PTPRD: variants seen among roughly 807,000 people sequenced by gnomAD.
PTPRD encodes protein tyrosine phosphatase receptor type D.
Under a neutral mutation model 214.5 loss-of-function variants are expected in PTPRD, and 34 were observed. That is an observed-to-expected ratio of 0.16 (90% CI 0.12 to 0.21). The LOEUF (loss-of-function observed/expected upper bound fraction) is 0.21, where lower values mean the gene tolerates loss of function less well. Among genes scored for constraint, PTPRD ranks in the 10% least tolerant of loss-of-function variants. The probability of loss-of-function intolerance (pLI) is 1.00; values close to 1 mark genes in which losing one functional copy is unlikely to be tolerated. For synonymous variants in PTPRD, 1,128 were observed against 845.7 expected (o/e 1.33, Z -5.79); for missense variants, 2,545 against 2,398.7 (o/e 1.06, Z -1.27).
At chr9:9,166,120 T>A (rs908929886) in intron 10 of PTPRD, among the ~76,000 whole-genome samples, 4 of 151,118 alleles carry the variant, frequency 2.6e-5, no homozygotes, top group Non-Finnish European at 5.9e-5. Flanking sequence ...CTCATGAATA[T>A]ATCAAGACTC....
chr9:9,424,164 C>A (rs1712647331), intron 8 of PTPRD, among the ~76,000 whole-genome samples: 1 of 152,196 alleles, frequency 6.6e-6, no homozygotes, highest in Admixed American at 6.5e-5. Flanking sequence ...AGCTCCAGAG[C>A]TGCCCGTGGA....
intron 4 of PTPRD, among the ~76,000 whole-genome samples, chr9:10,002,176 A>G (rs941893312): frequency 7.9e-5 from 12 of 151,174 alleles, no homozygotes; most frequent in African/African-American, 2.9e-4. Context: ...AAAAAATAGA[A>G]TAAATAACAT....
At chr9:9,351,094 G>A (rs570473374) in intron 9 of PTPRD, among the ~76,000 whole-genome samples, 33 of 152,092 alleles carry the variant, frequency 2.2e-4, no homozygotes, top group African/African-American at 7.5e-4. Context: ...ACTTGCTGGT[G>A]ATTTCCAGGC....
At chr9:9,018,215 T>A (rs958477993) in intron 11 of PTPRD, among the ~76,000 whole-genome samples, 1 of 152,134 alleles carries the variant, frequency 6.6e-6, no homozygotes, top group African/African-American at 2.4e-5. Context: ...GTTGTATTGT[T>A]CATACTCTCT....
rs578116157 is a variant in PTPRD at position 9,565,339 on chromosome 9, G to C, written c.-237+9393C>G. 3.4e-4 allele frequency among the ~76,000 whole-genome samples: 52 copies of C among 151,900 alleles called. No individual in the cohort carries two copies. The South Asian group carries it at 9.1e-3, about 27-fold the overall frequency. On this transcript the variant is annotated intron_variant, in intron 8 of 45. Transcript: ENST00000381196. ...AACATTTATAGACTATGTAGAAATGGAGATACACTTCTGATGAGTGAAATG... is the reference window on the plus strand; with the variant it reads ...AACATTTATAGACTATGTAGAAATGCAGATACACTTCTGATGAGTGAAATG...
intron 2 of PTPRD, among the ~76,000 whole-genome samples, chr9:10,446,144 GAA>G (rs1288264971): frequency 6.6e-6 from 1 of 152,006 alleles, no homozygotes; most frequent in Non-Finnish European, 1.5e-5. Flanking sequence ...CTTTGAAATA[GAA>G]AGAGGAGAAA....
At chr9:8,804,275 A>G (rs562403898) in intron 11 of PTPRD, among the ~76,000 whole-genome samples, 3 of 152,000 alleles carry the variant, frequency 2.0e-5, no homozygotes, top group Admixed American at 1.3e-4. Context: ...TAATAACACA[A>G]ATCTATAGGC....
At position 8,904,865 on chromosome 9, in the gene PTPRD, T is replaced by A. The variant is rs187557226; in HGVS notation, c.-104+113832A>T. Among the ~76,000 whole-genome samples the A allele has an allele frequency of 5.0e-3, 769 of 152,298 alleles. 5 individuals are homozygous for A. The highest frequency in any genetic ancestry group is 7.2e-3 in the Non-Finnish European group (487 of 68,018). On this transcript the variant is annotated intron_variant, in intron 11 of 45. Transcript: ENST00000381196. Reference sequence around the variant, plus strand: ...TGAGGTAAAAATCAACTCAACTAAATTTCATGTTTCTGATATATAAAAACA... The same window carrying A: ...TGAGGTAAAAATCAACTCAACTAAAATTCATGTTTCTGATATATAAAAACA...
At chr9:10,030,677 T>C (rs2097046003) in intron 4 of PTPRD, among the ~76,000 whole-genome samples, 2 of 152,192 alleles carry the variant, frequency 1.3e-5, no homozygotes, top group Admixed American at 1.3e-4. Context: ...GGATTCCACG[T>C]GGAGAATCTA....
At chr9:8,650,399 C>A (rs1431542565) in intron 12 of PTPRD, among the ~76,000 whole-genome samples, 1 of 151,922 alleles carries the variant, frequency 6.6e-6, no homozygotes, top group Non-Finnish European at 1.5e-5. Context: ...GTGGCACATG[C>A]CTGTAATCCC....
chr9:10,245,192 T>C (rs1306999775), intron 3 of PTPRD, among the ~76,000 whole-genome samples: 1 of 152,104 alleles, frequency 6.6e-6, no homozygotes, highest in African/African-American at 2.4e-5. Flanking sequence ...CAACATACCC[T>C]GGACCAGTTT....
chr9:10,156,728 T>C (rs1045171246), intron 3 of PTPRD, among the ~76,000 whole-genome samples: 1 of 152,150 alleles, frequency 6.6e-6, no homozygotes, highest in Admixed American at 6.5e-5. Context: ...ATACTGTCAG[T>C]GGTGTTGTGA....
chr9:8,810,312 G>T (rs2096775724), intron 11 of PTPRD, among the ~76,000 whole-genome samples: 1 of 152,152 alleles, frequency 6.6e-6, no homozygotes, highest in South Asian at 2.1e-4. Flanking sequence ...TTGAGATGAT[G>T]TTACCATTGC....
At chr9:8,853,799 C>A (rs1357286224) in intron 11 of PTPRD, among the ~76,000 whole-genome samples, 1 of 152,136 alleles carries the variant, frequency 6.6e-6, no homozygotes, top group Non-Finnish European at 1.5e-5. Flanking sequence ...ACTGGTTTTG[C>A]TTGAGGCAGT....
At chr9:9,504,402 G>A (rs185058398) in intron 8 of PTPRD, among the ~76,000 whole-genome samples, 44 of 151,670 alleles carry the variant, frequency 2.9e-4, no homozygotes, top group African/African-American at 8.7e-4. Flanking sequence ...CTACAAGGCC[G>A]CAAATTATAC....
chr9:10,364,132 T>C (rs1358915378), intron 2 of PTPRD, among the ~76,000 whole-genome samples: 1 of 151,368 alleles, frequency 6.6e-6, no homozygotes, highest in Non-Finnish European at 1.5e-5. Context: ...CCGGAGTAGC[T>C]GGGACTACAG....
intron 8 of PTPRD, among the ~76,000 whole-genome samples, chr9:9,541,310 T>C (rs928245391): frequency 1.3e-5 from 2 of 151,756 alleles, no homozygotes; most frequent in African/African-American, 2.4e-5. Flanking sequence ...ATTGAGGTTA[T>C]ACTACTAGAC....
At chr9:10,024,767 C>T (rs2096888943) in intron 4 of PTPRD, among the ~76,000 whole-genome samples, 1 of 138,896 alleles carries the variant, frequency 7.2e-6, no homozygotes, top group African/African-American at 2.7e-5. Context: ...TCTCCTAATG[C>T]TATCCCTCCC....
intron 11 of PTPRD, among the ~76,000 whole-genome samples, chr9:8,976,624 C>T (rs1172356472): frequency 6.6e-6 from 1 of 152,042 alleles, no homozygotes; most frequent in Non-Finnish European, 1.5e-5. Flanking sequence ...TTGTCTAATT[C>T]AATTTTGGCC....
Sources: allele counts gnomAD v4.1 joint callset (sites outside exome capture counted in the v4.1 genomes callset), GRCh38; gene constraint gnomAD v4.1.1; transcripts MANE v1.5; gene names NCBI Gene and HGNC (gene_info 2026-07-23, HGNC 2026-07-21).